Variants in CCDC126 observed in about 807,000 individuals in gnomAD.
CCDC126 encodes the protein coiled-coil domain containing 126.
CCDC126 carries 5 observed loss-of-function variants against 11.7 expected under a neutral mutation model. The observed-to-expected ratio is 0.43, with a 90% confidence interval of 0.22 to 0.90. The LOEUF is 0.90. Among genes scored for constraint, CCDC126 ranks in the 40% least tolerant of loss-of-function variants. The pLI, the probability that CCDC126 is intolerant of heterozygous loss-of-function variation, is 0.27. For missense variants in CCDC126, 150 were observed against 163.1 expected (o/e 0.92, Z 0.44); for synonymous variants, 60 against 61.9 (o/e 0.97, Z 0.14).
chr7:23,631,504 C>T (rs541966011), intron 3 of CCDC126, among the ~76,000 whole-genome samples: 2 of 152,140 alleles, frequency 1.3e-5, no homozygotes, highest in Admixed American at 6.6e-5. Context: ...CGGTGGCTCA[C>T]GTCTGTAATC....
intron 3 of CCDC126, among the ~76,000 whole-genome samples, chr7:23,618,705 C>T (rs2003553): frequency 0.037 from 5,681 of 151,702 alleles, 366 homozygotes; most frequent in African/African-American, 0.13. Flanking sequence ...CATGCACCAC[C>T]GCGCCCAGCT....
chr7:23,636,265 C>T (rs1483863283), intron 3 of CCDC126, among the ~76,000 whole-genome samples: 1 of 152,128 alleles, frequency 6.6e-6, no homozygotes, highest in Non-Finnish European at 1.5e-5. Flanking sequence ...GAGATTGCAG[C>T]CTCTGCCCAG....
At chr7:23,606,552 T>C (rs1469198493) in intron 2 of CCDC126, among the ~76,000 whole-genome samples, 2 of 151,922 alleles carry the variant, frequency 1.3e-5, no homozygotes, top group East Asian at 3.9e-4. Context: ...CACTTGGAGG[T>C]GGTGATAGTT....
intron 3 of CCDC126, chr7:23,622,603 G>A: frequency 1.9e-6 from 1 of 536,686 alleles, no homozygotes; most frequent in Non-Finnish European, 3.8e-6. Context: ...TGGGGCAGAA[G>A]TATTGAGTGG....
At chr7:23,642,023 GTT>G (rs1224600275) in intron 3 of CCDC126, among the ~76,000 whole-genome samples, 1 of 151,916 alleles carries the variant, frequency 6.6e-6, no homozygotes, top group Non-Finnish European at 1.5e-5. Flanking sequence ...TTGGTTTTTT[GTT>G]TTTTGAGAGG....
At chr7:23,610,089 T>C (rs1230927171) in intron 2 of CCDC126, among the ~76,000 whole-genome samples, 1 of 152,212 alleles carries the variant, frequency 6.6e-6, no homozygotes, top group South Asian at 2.1e-4. Flanking sequence ...CCTTTCTGTG[T>C]TTTAAAAACT....
chr7:23,619,883 C>T (rs1782860760), intron 3 of CCDC126, among the ~76,000 whole-genome samples: 1 of 151,954 alleles, frequency 6.6e-6, no homozygotes, highest in East Asian at 1.9e-4. Context: ...TTTCCAGCTT[C>T]ATCCATGTCC....
At chr7:23,610,983 A>G (rs1423727826) in intron 2 of CCDC126, among the ~76,000 whole-genome samples, 188 bp from the exon 3 acceptor site, 1 of 152,154 alleles carries the variant, frequency 6.6e-6, no homozygotes, top group African/African-American at 2.4e-5. Context: ...ATTTGTTTCT[A>G]GTTTAAACTT....
At chr7:23,630,824 C>T (rs193111648) in intron 3 of CCDC126, among the ~76,000 whole-genome samples, 2 of 144,976 alleles carry the variant, frequency 1.4e-5, no homozygotes, top group East Asian at 4.4e-4. Flanking sequence ...GAATTGAAAT[C>T]ATTCTGAGTA....
intron 3 of CCDC126, chr7:23,622,726 A>C (rs1338369331): frequency 5.7e-6 from 3 of 524,818 alleles, no homozygotes; most frequent in Admixed American, 2.0e-5. Context: ...TTGTGGCCAC[A>C]GTTGACCCTT....
chr7:23,638,672 G>A (rs1783289450), intron 3 of CCDC126, among the ~76,000 whole-genome samples: 1 of 105,220 alleles, frequency 9.5e-6, no homozygotes, highest in African/African-American at 4.0e-5. Context: ...CTATGACCCT[G>A]CCAAATCCCC....
intron 3 of CCDC126, among the ~76,000 whole-genome samples, chr7:23,612,674 TAAGAA>T (rs1782737378): frequency 6.6e-6 from 1 of 151,898 alleles, no homozygotes; most frequent in Non-Finnish European, 1.5e-5. Context: ...CCTCATCTCT[TAAGAA>T]AAGTCTAAAA....
At chr7:23,631,706 A>G (rs538680886) in intron 3 of CCDC126, among the ~76,000 whole-genome samples, 1 of 152,106 alleles carries the variant, frequency 6.6e-6, no homozygotes, top group South Asian at 2.1e-4. Context: ...GGTTGCAGTG[A>G]GCAGAGATGG....
chr7:23,634,811 C>T (rs1324962178), intron 3 of CCDC126, among the ~76,000 whole-genome samples: 3 of 152,148 alleles, frequency 2.0e-5, no homozygotes, highest in African/African-American at 7.2e-5. Flanking sequence ...GCCAGACAGC[C>T]TGCCTTGGTT....
At chr7:23,599,646 G>T (rs756578740) in intron 2 of CCDC126, among the ~76,000 whole-genome samples, 12 of 151,920 alleles carry the variant, frequency 7.9e-5, no homozygotes, top group Non-Finnish European at 1.3e-4. Flanking sequence ...TTTTAGTAGA[G>T]ACAGGGTCTC....
chr7:23,628,541 T>A (rs1169219321), intron 3 of CCDC126, among the ~76,000 whole-genome samples: 1 of 152,182 alleles, frequency 6.6e-6, no homozygotes, highest in Non-Finnish European at 1.5e-5. Flanking sequence ...AAAGGCCAAG[T>A]GGTAAGCCTA....
intron 3 of CCDC126, among the ~76,000 whole-genome samples, chr7:23,636,249 A>T (rs1172124014): frequency 6.6e-6 from 1 of 152,134 alleles, no homozygotes; most frequent in Non-Finnish European, 1.5e-5. Context: ...GGCCCCCCAA[A>T]GTGCCGAGAT....
intron 2 of CCDC126, among the ~76,000 whole-genome samples, chr7:23,605,012 A>C (rs1562828334): frequency 6.6e-6 from 1 of 151,964 alleles, no homozygotes; most frequent in Non-Finnish European, 1.5e-5. Flanking sequence ...AAAAAAAAAA[A>C]AAGAAAATGA....
chr7:23,636,135 G>T (rs1312768635), intron 3 of CCDC126, among the ~76,000 whole-genome samples: 3 of 152,202 alleles, frequency 2.0e-5, no homozygotes, highest in African/African-American at 7.2e-5. Flanking sequence ...CTAGGTGCCG[G>T]GATTGCAGAC....
Sources: allele counts gnomAD v4.1 joint callset (sites outside exome capture counted in the v4.1 genomes callset), GRCh38; gene constraint gnomAD v4.1.1; transcripts MANE v1.5; gene names NCBI Gene and HGNC (gene_info 2026-07-23, HGNC 2026-07-21).